The following SERPING1 variants were observed in gnomAD, a reference collection of about 807,000 sequenced individuals.
SERPING1 encodes plasma protease C1 inhibitor.
Under a neutral mutation model 34.1 loss-of-function variants are expected in SERPING1, and 5 were observed. The observed-to-expected ratio is 0.15, with a 90% confidence interval of 0.08 to 0.31. The LOEUF is 0.31. Ranked by LOEUF, SERPING1 falls within the 10% of genes least tolerant of loss-of-function variation. The pLI is 1.00. For synonymous variants in SERPING1, 225 were observed against 242.4 expected (o/e 0.93, Z 0.67); for missense variants, 505 against 609.5 (o/e 0.83, Z 1.81).
At chr11:57,610,769 A>G (rs1453890156) in intron 6 of SERPING1, among the ~76,000 whole-genome samples, 1 of 152,178 alleles carries the variant, frequency 6.6e-6, no homozygotes, top group Non-Finnish European at 1.5e-5. Context: ...CACTGTGTGC[A>G]CATCCTCCTT....
At chr11:57,605,128 T>C (rs1945393969) in intron 4 of SERPING1, among the ~76,000 whole-genome samples, 2 of 152,156 alleles carry the variant, frequency 1.3e-5, no homozygotes, top group South Asian at 4.1e-4. Flanking sequence ...ATTTATTTAT[T>C]ACTTACAAAG....
rs781444611 is a variant in SERPING1, at chr11:57,599,927, C to A, written c.100C>A (p.Pro34Thr). The A allele has an allele frequency of 6.2e-7, 1 of 1,614,052 alleles. No individual in the cohort carries two copies. The highest frequency in any genetic ancestry group is 8.5e-7 in the Non-Finnish European group (1 of 1,180,032). The change falls in exon 3 of 8, where the codon CCA becomes ACA. Residue 34 changes from proline to threonine, a missense_variant. Coordinates refer to ENST00000278407, the MANE Select transcript of SERPING1 (RefSeq NM_000062.3). ...TGCTACCAGCTCCAGCTCCCAGGATCCAGAGAGTTTGCAAGACAGAGGCGA... is the reference window on the plus strand; with the variant it reads ...TGCTACCAGCTCCAGCTCCCAGGATACAGAGAGTTTGCAAGACAGAGGCGA... The part of the protein sequence containing the change: ...PNATSSSSQD[P>T]ESLQDRGEGK...
rs540827539 is a variant in SERPING1 at position 57,613,369 on chromosome 11, C to T, written c.1250-959C>T. On this transcript the variant is annotated intron_variant, in intron 7 of 7. Transcript: ENST00000278407. Reference sequence around the variant, plus strand: ...TTCCCCCCGTTTCCAATGTCAGTTACAAGACTGGGTTGTCACCTGTGCATC... The same window carrying T: ...TTCCCCCCGTTTCCAATGTCAGTTATAAGACTGGGTTGTCACCTGTGCATC... Among the ~76,000 whole-genome samples the T allele has an allele frequency of 4.6e-5, 7 of 152,304 alleles. No homozygotes were observed. The South Asian group carries it at 1.2e-3, about 27-fold the overall frequency.
chr11:57,614,335 C>A lies in SERPING1; in HGVS notation c.1257C>A (p.Phe419Leu), dbSNP rs775042436. Reference protein sequence around the residue: ...MLSIMEKLEFFDFSYDLNLCG... With the variant: ...MLSIMEKLEFLDFSYDLNLCG... ...TCTCTGGTTTTGCCCTAGAATTCTT[C>A]GATTTTTCTTATGACCTTAACCTGT... The change falls in exon 8 of 8, where the codon TTC (phenylalanine) becomes TTA (leucine). Residue 419 changes from phenylalanine (F) to leucine (L), a missense_variant. Physicochemically the swap from Phe to Leu is conservative, Grantham distance 22. Transcript: ENST00000278407. 3 of 1,613,622 alleles carry A rather than the reference C, an allele frequency of 1.9e-6. No homozygotes were observed. The highest frequency in any genetic ancestry group is 2.5e-6 in the Non-Finnish European group (3 of 1,180,046).
rs535454280 is a variant in SERPING1, at chr11:57,601,326, G to A, written c.551-709G>A. Among the ~76,000 whole-genome samples the A allele has an allele frequency of 1.1e-3, 170 of 151,656 alleles. 1 individual carries two copies. The highest frequency in any genetic ancestry group is 3.3e-3 in the African/African-American group (138 of 41,314). On this transcript the variant is annotated intron_variant, in intron 3 of 7. Transcript: ENST00000278407. ...TGAGGCAGGAGAATCACTTGAACAC[G>A]GGAGGCAGAGGTTGCAGTGAGCCGA...
rs1238380874 is a variant in SERPING1 at position 57,602,053 on chromosome 11, A to C, written c.569A>C (p.Lys190Thr). The C allele has an allele frequency of 3.1e-6, 5 of 1,613,978 alleles. No homozygotes were observed. Among genetic ancestry groups the C allele is most frequent in the Non-Finnish European group, 4.2e-6 (5 of 1,180,034 alleles). Residue 190 changes from lysine (K) to threonine (T), a missense_variant, in exon 4 of 8, where the codon AAA becomes ACA. Transcript: ENST00000278407. ...GTTGCAGGGGCTGGGGAGAACACCA[A>C]AACAAACCTGGAGAGCATCCTCTCT... ...QVLLGAGENT[K>T]TNLESILSYP...
intron 6 of SERPING1, 80 bp downstream of exon 6, chr11:57,606,627 T>A: frequency 2.1e-6 from 3 of 1,413,042 alleles, no homozygotes; most frequent in East Asian, 2.3e-5. Context: ...TCCCATCATT[T>A]TGGGGTACAT....
chr11:57,598,340 G>A lies in SERPING1; in HGVS notation c.51+19G>A. On this transcript the variant is annotated intron_variant, in intron 2 of 7. Coordinates refer to ENST00000278407, the MANE Select transcript of SERPING1 (RefSeq NM_000062.3). ...GGCTGGGGTATGTGGTCCCTTGTGG[G>A]ATGGGGGACGGGGGTGGAGACGGGA... The A allele has an allele frequency of 5.2e-6, 8 of 1,553,324 alleles. No individual in the cohort carries two copies. Among genetic ancestry groups the A allele is most frequent in the Non-Finnish European group, 6.1e-6 (7 of 1,151,770 alleles).
chr11:57,600,500 G>T, intron 3 of SERPING1, 123 bp downstream of exon 3: 1 of 1,053,204 alleles, frequency 9.5e-7, no homozygotes. Flanking sequence ...ATTATATATT[G>T]GGGGTGGGGT....
chr11:57,602,210 C>T lies in SERPING1; in HGVS notation c.685+41C>T, dbSNP rs1945355967. The stretch of plus-strand genomic sequence containing the variant: ...TGGGCAGTGTCTGCAGAGGAGGGTC[C>T]TGAGAGGACTCTGAAGGGGGACCCA... On this transcript the variant is annotated intron_variant, in intron 4 of 7. Transcript: ENST00000278407. 6.8e-6 allele frequency: 11 copies of T among 1,612,726 alleles called. No homozygotes were observed. In the East Asian group the frequency reaches 2.5e-4, roughly 36 times the overall value.
intron 6 of SERPING1, among the ~76,000 whole-genome samples, chr11:57,607,441 T>C (rs1945423255): frequency 6.6e-6 from 1 of 152,242 alleles, no homozygotes; most frequent in East Asian, 1.9e-4. Context: ...TCTGAAATTA[T>C]GTCATTTATT....
chr11:57,605,385 G>C (rs149575894), intron 4 of SERPING1, among the ~76,000 whole-genome samples: 3 of 151,200 alleles, frequency 2.0e-5, no homozygotes, highest in Admixed American at 2.0e-4. Context: ...TGCAACCTCC[G>C]TCTCCCAGAT....
intron 6 of SERPING1, among the ~76,000 whole-genome samples, chr11:57,610,295 G>C (rs1014211206): frequency 1.3e-5 from 2 of 152,160 alleles, no homozygotes; most frequent in Non-Finnish European, 2.9e-5. Flanking sequence ...CCAAGGAAGG[G>C]GGTGAGATTT....
chr11:57,601,841 G>A (rs1299374520), intron 3 of SERPING1, among the ~76,000 whole-genome samples, 194 bp from the exon 4 acceptor site: 2 of 99,594 alleles, frequency 2.0e-5, no homozygotes, highest in Non-Finnish European at 3.7e-5. Flanking sequence ...GGGCAACAAA[G>A]CAAGACTCTG....
At chr11:57,608,282 T>C (rs1177768254) in intron 6 of SERPING1, among the ~76,000 whole-genome samples, 1 of 152,216 alleles carries the variant, frequency 6.6e-6, no homozygotes, top group Non-Finnish European at 1.5e-5. Flanking sequence ...ATTCGAATTA[T>C]AAGAACAAGT....
At chr11:57,601,921 A>C (rs1456989451) in intron 3 of SERPING1, 114 bp from the exon 4 acceptor site, 2 of 985,250 alleles carry the variant, frequency 2.0e-6, no homozygotes, top group Non-Finnish European at 3.1e-6. Context: ...ATGATCTGTG[A>C]TCCCCTCCAA....
intron 4 of SERPING1, chr11:57,605,534 G>A (rs986436225): frequency 8.0e-5 from 15 of 188,292 alleles, no homozygotes; most frequent in Non-Finnish European, 1.3e-4. Context: ...CCCAGCTGGG[G>A]AAAATATCTT....
Position 57,614,324 on chromosome 11 carries a change from C to T in SERPING1, c.1250-4C>T. ...GACTCTGTTTTTCTCTGGTTTTGCC[C>T]TAGAATTCTTCGATTTTTCTTATGA... On this transcript the variant is annotated splice_polypyrimidine_tract_variant and splice_region_variant and intron_variant, in intron 7 of 7. Transcript: ENST00000278407. The T allele has an allele frequency of 1.2e-6, 2 of 1,613,456 alleles. No homozygotes were observed. The highest frequency in any genetic ancestry group is 1.7e-5 in the Admixed American group (1 of 60,026).
At chr11:57,599,036 G>T (rs1345249569) in intron 2 of SERPING1, among the ~76,000 whole-genome samples, 1 of 152,142 alleles carries the variant, frequency 6.6e-6, no homozygotes, top group Non-Finnish European at 1.5e-5. Context: ...ACCCCTAGCT[G>T]TTTCTCCCAT....
Sources: gnomAD v4.1 joint callset for allele counts (sites outside exome capture counted in the v4.1 genomes callset) on GRCh38, gnomAD v4.1.1 for gene constraint, MANE v1.5 for transcripts, NCBI Gene and HGNC (gene_info 2026-07-23, HGNC 2026-07-21) for gene names.